Variants in ACER3 observed in about 807,000 individuals in gnomAD.
ACER3 encodes alkaline ceramidase 3.
Under a neutral mutation model 48.9 loss-of-function variants are expected in ACER3, and 16 were observed. The observed-to-expected ratio is 0.33, with a 90% confidence interval of 0.22 to 0.50. ACER3 has a LOEUF of 0.50. ACER3 is among the 20% of genes least tolerant of loss of function. ACER3 has a pLI of 0.98. For synonymous variants in ACER3, 109 were observed against 107.8 expected (o/e 1.01, Z -0.07); for missense variants, 227 against 326.0 (o/e 0.70, Z 2.34).
At chr11:76,958,935 A>T in intron 2 of ACER3, 44 bp from the exon 3 acceptor site, 1 of 1,605,224 alleles carries the variant, frequency 6.2e-7, no homozygotes, top group South Asian at 1.1e-5. Flanking sequence ...CTGTCCACGC[A>T]CAAAGAATTT....
intron 3 of ACER3, among the ~76,000 whole-genome samples, chr11:76,966,806 C>T (rs1948149916): frequency 6.6e-6 from 1 of 150,748 alleles, no homozygotes; most frequent in Non-Finnish European, 1.5e-5. Context: ...ACATTCAAAG[C>T]AGTGTGTAGA....
At chr11:76,905,759 A>G (rs1431313334) in intron 1 of ACER3, among the ~76,000 whole-genome samples, 2 of 146,014 alleles carry the variant, frequency 1.4e-5, no homozygotes, top group Non-Finnish European at 2.9e-5. Flanking sequence ...AAAGGAATGA[A>G]ATATAGTATC....
At chr11:76,877,780 C>T (rs964076739) in intron 1 of ACER3, among the ~76,000 whole-genome samples, 7 of 152,222 alleles carry the variant, frequency 4.6e-5, no homozygotes, top group Admixed American at 4.6e-4. Context: ...TCTTCCTTTT[C>T]CTCTGGAGAT....
intron 2 of ACER3, among the ~76,000 whole-genome samples, chr11:76,942,858 C>T (rs1947372813): frequency 6.6e-6 from 1 of 151,890 alleles, no homozygotes; most frequent in Admixed American, 6.6e-5. Context: ...CTGATTCAAT[C>T]TCACTAGTAA....
intron 6 of ACER3, among the ~76,000 whole-genome samples, chr11:76,993,203 A>G (rs75066114): frequency 0.021 from 3,194 of 152,232 alleles, 112 homozygotes; most frequent in African/African-American, 0.073. Context: ...AGTGCCTTCA[A>G]TGTTCCAGAC....
intron 3 of ACER3, among the ~76,000 whole-genome samples, chr11:76,973,946 A>G (rs1185157542): frequency 6.6e-6 from 1 of 152,162 alleles, no homozygotes; most frequent in Non-Finnish European, 1.5e-5. Flanking sequence ...GTACTTGGAT[A>G]TCTAATTGTC....
rs1590940458 is a variant in ACER3, at chr11:76,926,590, C to T, written c.137C>T (p.Pro46Leu). Residue 46 changes from proline to leucine, a missense_variant, in exon 2 of 11, where the codon CCT (proline) becomes CTT (leucine). Pro to Leu is a moderately conservative substitution (Grantham distance 98). Transcript: ENST00000532485. ...NTVSNLIMII[P>L]PMFGAVQSVR... ...GTGAGTAACCTGATCATGATTATACCTCCAATGTTCGGTGCAGTTCAGAGT... is the reference window on the plus strand; with the variant it reads ...GTGAGTAACCTGATCATGATTATACTTCCAATGTTCGGTGCAGTTCAGAGT... 1.2e-6 allele frequency: 2 copies of T among 1,608,426 alleles called. No homozygotes were observed. Among genetic ancestry groups the T allele is most frequent in the South Asian group, 1.1e-5 (1 of 90,704 alleles).
At position 76,937,220 on chromosome 11, in the gene ACER3, T is replaced by C. The variant is rs116640213; in HGVS notation, c.214+10553T>C. ...ATTAGATGGGCAAAGTGTCAGACTCTTGACAACACTATTTTGGCAAGGCTG... is the reference window on the plus strand; with the variant it reads ...ATTAGATGGGCAAAGTGTCAGACTCCTGACAACACTATTTTGGCAAGGCTG... On this transcript the variant is annotated intron_variant, in intron 2 of 10. Transcript: ENST00000532485. Among the ~76,000 whole-genome samples the C allele has an allele frequency of 2.6e-3, 399 of 152,356 alleles. 2 individuals are homozygous for C. Among genetic ancestry groups the C allele is most frequent in the African/African-American group, 9.1e-3 (379 of 41,580 alleles).
intron 2 of ACER3, among the ~76,000 whole-genome samples, chr11:76,958,183 CTTT>C (rs10555039): frequency 2.1e-4 from 27 of 125,876 alleles, no homozygotes; most frequent in African/African-American, 6.3e-4. Flanking sequence ...TTATTAGCAA[CTTT>C]TTTTTTTTTT....
At chr11:76,920,312 G>A (rs1023665970) in intron 1 of ACER3, among the ~76,000 whole-genome samples, 1 of 152,108 alleles carries the variant, frequency 6.6e-6, no homozygotes, top group Non-Finnish European at 1.5e-5. Flanking sequence ...GCTTTAGCTG[G>A]CACCCTAGAG....
At chr11:76,865,858 C>G (rs1945072057) in intron 1 of ACER3, among the ~76,000 whole-genome samples, 1 of 151,244 alleles carries the variant, frequency 6.6e-6, no homozygotes, top group South Asian at 2.1e-4. Context: ...ATTCTGTCGC[C>G]CAGGCTGGAG....
At position 76,990,993 on chromosome 11, in the gene ACER3, G is replaced by A. The variant is rs189521109; in HGVS notation, c.438+419G>A. Among the ~76,000 whole-genome samples the A allele has an allele frequency of 2.0e-4, 30 of 152,276 alleles. No individual in the cohort carries two copies. In the East Asian group the frequency reaches 5.0e-3, roughly 25 times the overall value. On this transcript the variant is annotated intron_variant, in intron 6 of 10. Transcript: ENST00000532485. The stretch of plus-strand genomic sequence containing the variant: ...GAGGTGATGTACATTGAAGGAAGCA[G>A]ACACAGGAAACTTTATTGTAGGAAA...
At chr11:76,949,944 A>G (rs1285310515) in intron 2 of ACER3, among the ~76,000 whole-genome samples, 9 of 152,108 alleles carry the variant, frequency 5.9e-5, no homozygotes, top group Non-Finnish European at 1.3e-4. Context: ...GCTATATCAA[A>G]CTACTTGCTG....
intron 3 of ACER3, chr11:76,959,282 A>T (rs1327448723): frequency 1.6e-6 from 2 of 1,272,140 alleles, no homozygotes; most frequent in Non-Finnish European, 2.0e-6. Flanking sequence ...TGAGAGCAGC[A>T]TTAGAGAGCA....
At chr11:76,970,659 T>C (rs891518197) in intron 3 of ACER3, among the ~76,000 whole-genome samples, 1 of 152,218 alleles carries the variant, frequency 6.6e-6, no homozygotes, top group African/African-American at 2.4e-5. Context: ...GTTGGTAGTA[T>C]TGTGGATATG....
At chr11:76,994,294 T>A (rs759651883) in intron 6 of ACER3, 1 of 393,996 alleles carries the variant, frequency 2.5e-6, no homozygotes, top group Non-Finnish European at 4.9e-6. Flanking sequence ...CACGCCAGGC[T>A]AATTTTTGTA....
intron 1 of ACER3, among the ~76,000 whole-genome samples, chr11:76,889,339 A>G (rs894712179): frequency 1.3e-5 from 2 of 152,094 alleles, no homozygotes; most frequent in Non-Finnish European, 2.9e-5. Flanking sequence ...CAGTGCATTT[A>G]AAAATATTAT....
intron 1 of ACER3, among the ~76,000 whole-genome samples, chr11:76,907,441 T>G (rs975746905): frequency 3.3e-5 from 5 of 152,252 alleles, no homozygotes; most frequent in African/African-American, 1.2e-4. Context: ...TTCATATTGT[T>G]TCCAATAAGG....
intron 3 of ACER3, among the ~76,000 whole-genome samples, chr11:76,975,454 T>C (rs1053219542): frequency 6.6e-6 from 1 of 152,182 alleles, no homozygotes; most frequent in African/African-American, 2.4e-5. Flanking sequence ...ATAATAATAA[T>C]AAATGTTATT....
Sources: gnomAD v4.1 joint callset for allele counts (sites outside exome capture counted in the v4.1 genomes callset) on GRCh38, gnomAD v4.1.1 for gene constraint, MANE v1.5 for transcripts, NCBI Gene and HGNC (gene_info 2026-07-23, HGNC 2026-07-21) for gene names.